The following DNAH7 variants were observed in gnomAD, a reference collection of about 807,000 sequenced individuals.
DNAH7 encodes the protein axonemal beta dynein heavy chain 7.
Under a neutral mutation model 444.6 loss-of-function variants are expected in DNAH7, and 397 were observed. The observed-to-expected ratio is 0.89, with a 90% CI of 0.82 to 0.97. The LOEUF (loss-of-function observed/expected upper bound fraction) is 0.97. DNAH7 is among the 50% of genes least tolerant of loss of function. The pLI is 0.00. For synonymous variants in DNAH7, 1,636 were observed against 1,624.4 expected (o/e 1.01, Z -0.17); for missense variants, 4,902 against 4,800.8 (o/e 1.02, Z -0.62).
chr2:195,914,986 C>A (rs1463864208), intron 24 of DNAH7, among the ~76,000 whole-genome samples: 1 of 152,128 alleles, frequency 6.6e-6, no homozygotes, highest in Non-Finnish European at 1.5e-5. Flanking sequence ...TCTAATCATT[C>A]TCTAGGAAAC....
At chr2:195,811,833 G>C (rs1696984792) in intron 51 of DNAH7, among the ~76,000 whole-genome samples, 1 of 152,172 alleles carries the variant, frequency 6.6e-6, no homozygotes, top group Admixed American at 6.5e-5. Flanking sequence ...ATGAGAGTAA[G>C]AGAAATCTGA....
intron 61 of DNAH7, among the ~76,000 whole-genome samples, chr2:195,757,019 G>A (rs1694106504): frequency 6.6e-6 from 1 of 151,826 alleles, no homozygotes. Context: ...GTAGAGATGG[G>A]GTCTTACTAT....
At chr2:196,010,663 G>A (rs1414300839) in intron 10 of DNAH7, among the ~76,000 whole-genome samples, 2 of 152,062 alleles carry the variant, frequency 1.3e-5, no homozygotes, top group Non-Finnish European at 2.9e-5. Context: ...CCAAAATACA[G>A]AATCAACTTT....
chr2:195,962,583 C>G (rs1231738809), intron 17 of DNAH7, among the ~76,000 whole-genome samples: 1 of 152,194 alleles, frequency 6.6e-6, no homozygotes, highest in Non-Finnish European at 1.5e-5. Flanking sequence ...TTCCTTGGCT[C>G]AAGTGATCTG....
intron 41 of DNAH7, among the ~76,000 whole-genome samples, chr2:195,862,595 T>G (rs985091967): frequency 6.6e-6 from 1 of 152,178 alleles, no homozygotes; most frequent in Non-Finnish European, 1.5e-5. Flanking sequence ...GTTATACCAC[T>G]TCCCCCCACA....
At chr2:195,872,807 C>A (rs1041810426) in intron 39 of DNAH7, among the ~76,000 whole-genome samples, 1 of 151,978 alleles carries the variant, frequency 6.6e-6, no homozygotes, top group Non-Finnish European at 1.5e-5. Context: ...TATTTCCCGA[C>A]CTCTTTCATT....
chr2:195,781,976 T>TAC (rs59244207), intron 58 of DNAH7, among the ~76,000 whole-genome samples: 9,747 of 129,744 alleles, frequency 0.075, 419 homozygotes, highest in Non-Finnish European at 0.088. Flanking sequence ...GTGGGTCTTA[T>TAC]ACACACACAC....
intron 24 of DNAH7, among the ~76,000 whole-genome samples, chr2:195,914,074 A>C (rs913254966): frequency 1.3e-5 from 2 of 151,856 alleles, no homozygotes; most frequent in African/African-American, 4.8e-5. Flanking sequence ...CCATTCCCCT[A>C]TGAATTTCCA....
At chr2:195,873,067 C>T (rs765712548) in intron 39 of DNAH7, among the ~76,000 whole-genome samples, 4 of 152,134 alleles carry the variant, frequency 2.6e-5, no homozygotes, top group Non-Finnish European at 5.9e-5. Flanking sequence ...GGTGTTTACT[C>T]CATCATCACT....
chr2:195,876,044 T>C (rs62201528), intron 37 of DNAH7, among the ~76,000 whole-genome samples: 7,562 of 152,314 alleles, frequency 0.05, 255 homozygotes, highest in Non-Finnish European at 0.077. Context: ...TAGGGAGACA[T>C]TCTCATTACT....
chr2:195,978,265 A>G (rs368203688), intron 15 of DNAH7, among the ~76,000 whole-genome samples: 3 of 152,150 alleles, frequency 2.0e-5, no homozygotes, highest in South Asian at 2.1e-4. Context: ...CAGTCAAAAC[A>G]TAAGATTTTT....
At chr2:195,921,999 T>A in intron 24 of DNAH7, 89 bp downstream of exon 24, 1 of 756,420 alleles carries the variant, frequency 1.3e-6, no homozygotes, top group Admixed American at 2.4e-5. Flanking sequence ...ATTAACAGTA[T>A]GAGAGACAAT....
rs369926836 is a variant in DNAH7, at chr2:195,794,396, C to T, written c.10658G>A (p.Arg3553Gln). The change falls in exon 57 of 65, where the codon CGA (arginine) becomes CAA (glutamine). Residue 3553 changes from arginine to glutamine, a missense_variant. Coordinates refer to ENST00000312428, the MANE Select transcript of DNAH7 (RefSeq NM_018897.3). The part of the protein sequence containing the change: ...APKGLRANII[R>Q]SYLMDPISDP... ...AGAGATCGGGTCCATGAGGTATGAT[C>T]GAATGATATTAGCCCGTAAACCTTT... is the stretch of plus-strand genomic sequence containing the variant. The T allele has an allele frequency of 1.2e-5, 19 of 1,613,968 alleles. No individual in the cohort carries two copies. Among genetic ancestry groups the T allele is most frequent in the Non-Finnish European group, 1.4e-5 (17 of 1,180,018 alleles).
In DNAH7 at chr2:195,816,609, T is replaced by C. The variant is rs759459050; in HGVS notation, c.9761+19A>G. The C allele has an allele frequency of 1.3e-6, 2 of 1,545,206 alleles. No individual in the cohort carries two copies. The highest frequency in any genetic ancestry group is 1.8e-6 in the Non-Finnish European group (2 of 1,124,846). On this transcript the variant is annotated intron_variant, in intron 51 of 64. Coordinates refer to ENST00000312428, the MANE Select transcript of DNAH7 (RefSeq NM_018897.3). ...CATGCATTAATTAGTTAATATTAAC[T>C]AGTATTTCCTTTACATACCTTTTTG...
intron 38 of DNAH7, 29 bp downstream of exon 38, chr2:195,875,646 C>G (rs1184714434): frequency 6.5e-7 from 1 of 1,530,810 alleles, no homozygotes; most frequent in East Asian, 2.3e-5. Flanking sequence ...ATTTTTCCAT[C>G]TTAGTAATCA....
At chr2:195,755,265 C>A (rs554156748) in intron 62 of DNAH7, among the ~76,000 whole-genome samples, 1 of 152,132 alleles carries the variant, frequency 6.6e-6, no homozygotes, top group Admixed American at 6.5e-5. Context: ...CAGTAAAATT[C>A]AACATATAGG....
chr2:196,023,823 A>C (rs1695523314), intron 8 of DNAH7, among the ~76,000 whole-genome samples: 1 of 152,188 alleles, frequency 6.6e-6, no homozygotes, highest in East Asian at 1.9e-4. Flanking sequence ...CTTTTGATTT[A>C]AAGTGAGAAA....
At chr2:196,032,134 G>T (rs367964879) in intron 5 of DNAH7, among the ~76,000 whole-genome samples, 1 of 152,132 alleles carries the variant, frequency 6.6e-6, no homozygotes, top group South Asian at 2.1e-4. Flanking sequence ...ATGTGGTGGC[G>T]AGAGAGAAAT....
At chr2:195,794,230 G>C (rs1055884129) in intron 57 of DNAH7, 108 bp downstream of exon 57, 2 of 926,162 alleles carry the variant, frequency 2.2e-6, no homozygotes, top group African/African-American at 3.3e-5. Flanking sequence ...CTGCGGTGCA[G>C]GAGGCCTATT....
Sources: allele counts gnomAD v4.1 joint callset (sites outside exome capture counted in the v4.1 genomes callset), GRCh38; gene constraint gnomAD v4.1.1; transcripts MANE v1.5; gene names NCBI Gene and HGNC (gene_info 2026-07-23, HGNC 2026-07-21).